ATRNL1: variants seen among roughly 807,000 people sequenced by gnomAD.
ATRNL1 encodes attractin like 1.
A neutral mutation model predicts 182.7 loss-of-function variants in ATRNL1; 95 were observed. The ratio of observed to expected loss-of-function variants is 0.52; its 90% CI spans 0.44 to 0.62. ATRNL1 has a LOEUF of 0.62. ATRNL1 is among the 20% of genes least tolerant of loss of function. The pLI, the probability that ATRNL1 is intolerant of heterozygous loss-of-function variation, is 0.00. For missense variants in ATRNL1, 1,471 were observed against 1,679.5 expected, an observed-to-expected ratio of 0.88 and a Z score of 2.17; for synonymous variants, 576 against 568.3, an observed-to-expected ratio of 1.01 and a Z score of -0.19.
At chr10:115,859,376 T>C (rs1951258953) in intron 28 of ATRNL1, among the ~76,000 whole-genome samples, 1 of 151,722 alleles carries the variant, frequency 6.6e-6, no homozygotes, top group African/African-American at 2.4e-5. Context: ...ATATTACCCC[T>C]CCCTCATATT....
At chr10:115,503,716 T>C (rs533232324) in intron 24 of ATRNL1, among the ~76,000 whole-genome samples, 1 of 152,122 alleles carries the variant, frequency 6.6e-6, no homozygotes, top group African/African-American at 2.4e-5. Flanking sequence ...TAATAAATTC[T>C]CTTCTTGTGA....
intron 28 of ATRNL1, among the ~76,000 whole-genome samples, chr10:115,913,583 A>C (rs1165613121): frequency 6.6e-6 from 1 of 152,238 alleles, no homozygotes; most frequent in Non-Finnish European, 1.5e-5. Context: ...CAGAGAGGAA[A>C]CAGTACATGG....
chr10:115,617,173 A>T (rs781958252), intron 26 of ATRNL1, among the ~76,000 whole-genome samples: 71 of 152,296 alleles, frequency 4.7e-4, no homozygotes, highest in Middle Eastern at 3.4e-3. Flanking sequence ...TGTGCTCTAG[A>T]TGTGAAACAT....
intron 25 of ATRNL1, among the ~76,000 whole-genome samples, chr10:115,534,958 A>G (rs573618885): frequency 2.6e-5 from 4 of 152,266 alleles, no homozygotes; most frequent in African/African-American, 9.6e-5. Context: ...TGGCTTGTAG[A>G]GTTTCTGCTG....
chr10:115,234,783 T>A (rs969259524), intron 9 of ATRNL1, among the ~76,000 whole-genome samples: 8 of 151,890 alleles, frequency 5.3e-5, no homozygotes, highest in Non-Finnish European at 1.0e-4. Flanking sequence ...GGGACCGGGT[T>A]TTGCTATGTT....
At chr10:115,413,608 C>G (rs1292953848) in intron 20 of ATRNL1, among the ~76,000 whole-genome samples, 1 of 152,030 alleles carries the variant, frequency 6.6e-6, no homozygotes, top group African/African-American at 2.4e-5. Flanking sequence ...CTTTGGTGCT[C>G]ACATTGTCCA....
At chr10:115,691,263 C>G (rs547702808) in intron 26 of ATRNL1, among the ~76,000 whole-genome samples, 80 of 152,278 alleles carry the variant, frequency 5.3e-4, no homozygotes, top group African/African-American at 1.9e-3. Flanking sequence ...GTTCCATTTT[C>G]TCCACTTCCT....
intron 18 of ATRNL1, among the ~76,000 whole-genome samples, 183 bp from the exon 19 acceptor site, chr10:115,334,099 A>G (rs1177719998): frequency 1.3e-5 from 2 of 152,196 alleles, no homozygotes; most frequent in Admixed American, 6.5e-5. Flanking sequence ...CACATGATTT[A>G]TGGTACATAC....
At chr10:115,669,441 C>T (rs1325558190) in intron 26 of ATRNL1, among the ~76,000 whole-genome samples, 1 of 152,080 alleles carries the variant, frequency 6.6e-6, no homozygotes, top group Non-Finnish European at 1.5e-5. Context: ...ATTTTTATGA[C>T]TTATCATAAG....
chr10:115,408,802 T>C (rs546354772), intron 20 of ATRNL1, among the ~76,000 whole-genome samples: 6 of 152,338 alleles, frequency 3.9e-5, no homozygotes, highest in East Asian at 1.9e-4. Context: ...TATCCAGTTT[T>C]CCCAGAACCG....
chr10:115,707,363 A>G (rs1054799452), intron 26 of ATRNL1, among the ~76,000 whole-genome samples: 1 of 151,816 alleles, frequency 6.6e-6, no homozygotes, highest in Non-Finnish European at 1.5e-5. Flanking sequence ...CACTTTTTGT[A>G]TTTCCCAGGC....
intron 21 of ATRNL1, among the ~76,000 whole-genome samples, chr10:115,435,220 C>T (rs190467020): frequency 1.6e-3 from 238 of 152,000 alleles, no homozygotes; most frequent in African/African-American, 4.9e-3. Flanking sequence ...GGGGTTTCAC[C>T]GTGTTAGCCA....
At chr10:115,571,699 G>A (rs1555003522) in intron 26 of ATRNL1, among the ~76,000 whole-genome samples, 1 of 152,026 alleles carries the variant, frequency 6.6e-6, no homozygotes, top group African/African-American at 2.4e-5. Context: ...TATATTTATT[G>A]TTAGAGTTAA....
chr10:115,518,982 G>A (rs547161210), intron 24 of ATRNL1, among the ~76,000 whole-genome samples: 121 of 151,972 alleles, frequency 8.0e-4, no homozygotes, highest in African/African-American at 2.8e-3. Context: ...TATTTAATCT[G>A]TCATAGTATT....
At chr10:115,170,212 A>G (rs1164042300) in intron 7 of ATRNL1, among the ~76,000 whole-genome samples, 8 of 152,148 alleles carry the variant, frequency 5.3e-5, no homozygotes, top group African/African-American at 1.9e-4. Flanking sequence ...TCCTGACCTT[A>G]GGGAAATGTA....
intron 28 of ATRNL1, among the ~76,000 whole-genome samples, chr10:115,868,921 C>G (rs1177802145): frequency 2.1e-5 from 3 of 146,046 alleles, no homozygotes; most frequent in African/African-American, 7.5e-5. Context: ...GCTCCGCCTC[C>G]CAGGTTCACG....
At chr10:115,747,359 C>A (rs1439392794) in intron 27 of ATRNL1, among the ~76,000 whole-genome samples, 1 of 152,030 alleles carries the variant, frequency 6.6e-6, no homozygotes, top group Non-Finnish European at 1.5e-5. Flanking sequence ...TTGCTCTCAT[C>A]ACATCTTGGT....
At chr10:115,375,498 A>G (rs1857622871) in intron 19 of ATRNL1, among the ~76,000 whole-genome samples, 1 of 151,992 alleles carries the variant, frequency 6.6e-6, no homozygotes, top group Admixed American at 6.6e-5. Context: ...TAATCTTGCT[A>G]TTTTGTTAAT....
chr10:115,333,258 G>T (rs1554935613), intron 18 of ATRNL1, among the ~76,000 whole-genome samples: 1 of 152,072 alleles, frequency 6.6e-6, no homozygotes, highest in Non-Finnish European at 1.5e-5. Context: ...GTCCCAAATA[G>T]GCACAAAGAG....
Sources: allele counts gnomAD v4.1 joint callset (sites outside exome capture counted in the v4.1 genomes callset), GRCh38; gene constraint gnomAD v4.1.1; transcripts MANE v1.5; gene names NCBI Gene and HGNC (gene_info 2026-07-23, HGNC 2026-07-21).